The following PDE4D variants were observed in gnomAD, a reference collection of about 807,000 sequenced individuals.
The protein encoded by PDE4D is phosphodiesterase 4D, also known as 3',5'-cyclic-AMP phosphodiesterase 4D.
In PDE4D, 24 loss-of-function variants were observed where a neutral mutation model predicts 87.4. That is an observed-to-expected ratio of 0.27 (90% CI 0.20 to 0.39). The LOEUF is 0.39. Among genes scored for constraint, PDE4D ranks in the 10% least tolerant of loss-of-function variants. PDE4D has a pLI of 1.00. For synonymous variants in PDE4D, 384 were observed against 383.2 expected, an observed-to-expected ratio of 1.00 and a Z score of -0.02; for missense variants, 714 against 1,041.0, an observed-to-expected ratio of 0.69 and a Z score of 4.32.
chr5:59,743,623 A>G (rs2150683812), intron 1 of PDE4D, among the ~76,000 whole-genome samples: 1 of 152,204 alleles, frequency 6.6e-6, no homozygotes, highest in Admixed American at 6.5e-5. Flanking sequence ...AAACAGTATG[A>G]AAAAATATAT....
chr5:59,835,898 T>C (rs1448793900), intron 1 of PDE4D, among the ~76,000 whole-genome samples: 1 of 152,054 alleles, frequency 6.6e-6, no homozygotes, highest in Non-Finnish European at 1.5e-5. Context: ...GTATTATTAA[T>C]ATAATTTGGT....
chr5:59,852,274 C>G (rs969539306), intron 1 of PDE4D, among the ~76,000 whole-genome samples: 5 of 152,058 alleles, frequency 3.3e-5, no homozygotes, highest in African/African-American at 1.2e-4. Context: ...CTTCCTCACT[C>G]TCACATTGCG....
At position 60,345,991 on chromosome 5, in the gene PDE4D, A is replaced by C. The variant is rs559464387; in HGVS notation, c.-90+141951T>G. ...ACCTGTTTTCTTTTTTATAAAAAAA[A>C]CCAAAGCTTATATCCGTTGAGTAAA... is the stretch of plus-strand genomic sequence containing the variant. On this transcript the variant is annotated intron_variant, in intron 1 of 16. Transcript: ENST00000502484. 6.6e-5 allele frequency among the ~76,000 whole-genome samples: 10 copies of C among 152,202 alleles called. No individual in the cohort carries two copies. In the East Asian group the frequency reaches 9.7e-4, roughly 15 times the overall value.
chr5:59,109,288 C>T (rs1330489975), intron 5 of PDE4D, among the ~76,000 whole-genome samples: 1 of 152,112 alleles, frequency 6.6e-6, no homozygotes, highest in Non-Finnish European at 1.5e-5. Flanking sequence ...TTCCTTCTTT[C>T]ATGGACAAAA....
intron 1 of PDE4D, among the ~76,000 whole-genome samples, chr5:59,580,543 C>T (rs1049673984): frequency 1.6e-4 from 24 of 151,886 alleles, no homozygotes; most frequent in Non-Finnish European, 2.8e-4. Flanking sequence ...CATGGCTTAT[C>T]GTAGCCTCAA....
intron 1 of PDE4D, chr5:59,528,714 G>A: frequency 6.1e-6 from 1 of 164,686 alleles, no homozygotes; most frequent in Non-Finnish European, 1.3e-5. Flanking sequence ...TAGTCTAATG[G>A]GGAGTCACTA....
chr5:59,743,872 C>T (rs17743216), intron 1 of PDE4D, among the ~76,000 whole-genome samples: 26,309 of 151,830 alleles, frequency 0.17, 2,972 homozygotes, highest in South Asian at 0.25. Flanking sequence ...CTTTAGGACT[C>T]AGTAGAGAGT....
At chr5:59,806,262 C>T (rs1767720719) in intron 1 of PDE4D, among the ~76,000 whole-genome samples, 1 of 152,172 alleles carries the variant, frequency 6.6e-6, no homozygotes, top group Non-Finnish European at 1.5e-5. Context: ...AAGGGGGAAC[C>T]AACTCACCTT....
intron 1 of PDE4D, among the ~76,000 whole-genome samples, chr5:60,462,287 C>A (rs924613310): frequency 6.6e-6 from 1 of 152,136 alleles, no homozygotes; most frequent in Admixed American, 6.5e-5. Flanking sequence ...CACAGGTGTG[C>A]GCACCCCTAG....
intron 1 of PDE4D, chr5:59,275,244 C>A: frequency 9.9e-7 from 1 of 1,011,846 alleles, no homozygotes; most frequent in Non-Finnish European, 1.5e-6. Flanking sequence ...CCTTCTTTCA[C>A]AAAGCCTCGA....
At chr5:59,689,959 A>C (rs1336438692) in intron 1 of PDE4D, among the ~76,000 whole-genome samples, 1 of 152,128 alleles carries the variant, frequency 6.6e-6, no homozygotes, top group Non-Finnish European at 1.5e-5. Context: ...AGTGAACTCC[A>C]ATTCACAATT....
At chr5:59,193,148 T>C (rs545126448) in intron 3 of PDE4D, among the ~76,000 whole-genome samples, 3 of 152,340 alleles carry the variant, frequency 2.0e-5, no homozygotes, top group East Asian at 3.9e-4. Flanking sequence ...AATTGGAATA[T>C]TGAATTTCAA....
intron 1 of PDE4D, among the ~76,000 whole-genome samples, chr5:60,409,138 T>C (rs1323217400): frequency 6.6e-6 from 1 of 152,008 alleles, no homozygotes; most frequent in Non-Finnish European, 1.5e-5. Context: ...GAGGATGTGG[T>C]ATGGAGAGTA....
chr5:60,384,352 G>C (rs1407480718), intron 1 of PDE4D, among the ~76,000 whole-genome samples: 1 of 152,138 alleles, frequency 6.6e-6, no homozygotes, highest in Non-Finnish European at 1.5e-5. Context: ...GCAATTATTG[G>C]TTAGCCTAGT....
intron 1 of PDE4D, among the ~76,000 whole-genome samples, chr5:60,244,529 C>T (rs1219284652): frequency 6.6e-6 from 1 of 151,944 alleles, no homozygotes; most frequent in African/African-American, 2.4e-5. Context: ...GGAGGAATCA[C>T]ATTACCTGAC....
At chr5:60,506,232 T>C (rs1750314763) in intron 1 of PDE4D, among the ~76,000 whole-genome samples, 1 of 152,202 alleles carries the variant, frequency 6.6e-6, no homozygotes, top group Non-Finnish European at 1.5e-5. Context: ...CACACCAACT[T>C]GCACATGTAT....
chr5:59,932,064 C>G (rs1459665633), intron 3 of PDE4D, among the ~76,000 whole-genome samples: 1 of 152,138 alleles, frequency 6.6e-6, no homozygotes, highest in East Asian at 1.9e-4. Flanking sequence ...GGCACATATG[C>G]CTTTCTGATC....
At chr5:59,804,803 T>C (rs1208866455) in intron 1 of PDE4D, among the ~76,000 whole-genome samples, 1 of 152,176 alleles carries the variant, frequency 6.6e-6, no homozygotes, top group Non-Finnish European at 1.5e-5. Context: ...TTTTTGTTTT[T>C]TCTTTTGAGA....
chr5:60,050,676 C>T (rs2072362249), intron 2 of PDE4D, among the ~76,000 whole-genome samples: 2 of 152,176 alleles, frequency 1.3e-5, no homozygotes, highest in African/African-American at 2.4e-5. Flanking sequence ...ATCAAATTCA[C>T]ACATAACAAT....
Sources: allele counts gnomAD v4.1 joint callset (sites outside exome capture counted in the v4.1 genomes callset), GRCh38; gene constraint gnomAD v4.1.1; transcripts MANE v1.5; gene names NCBI Gene and HGNC (gene_info 2026-07-23, HGNC 2026-07-21).